WDR26: variants seen among roughly 807,000 people sequenced by gnomAD.
WDR26 encodes the protein WD repeat domain 26, also known as WD repeat-containing protein 26.
In WDR26, 5 loss-of-function variants were observed where a neutral mutation model predicts 84.1. The ratio of observed to expected loss-of-function variants is 0.06; its 90% confidence interval spans 0.03 to 0.13. The LOEUF (loss-of-function observed/expected upper bound fraction) is 0.13, where lower values mean the gene tolerates loss of function less well. WDR26 is among the 10% of genes least tolerant of loss of function. The pLI is 1.00. For missense variants in WDR26, 642 were observed against 974.9 expected, an observed-to-expected ratio of 0.66 and a Z score of 4.55; for synonymous variants, 415 against 389.6, an observed-to-expected ratio of 1.07 and a Z score of -0.77.
intron 13 of WDR26, among the ~76,000 whole-genome samples, chr1:224,393,463 T>C (rs1673178464): frequency 2.0e-5 from 3 of 152,238 alleles, no homozygotes; most frequent in African/African-American, 7.2e-5. Context: ...CTAAAGTTGT[T>C]AATATTTTGT....
chr1:224,408,246 A>C lies in WDR26; in HGVS notation c.1458+3181T>G, dbSNP rs140655703. Among the ~76,000 whole-genome samples, 26 of 152,334 alleles carry C rather than the reference A, an allele frequency of 1.7e-4. No homozygotes were observed. In the East Asian group the frequency reaches 4.8e-3, roughly 28 times the overall value. The stretch of plus-strand genomic sequence containing the variant: ...GGGCCTATCCTAACTAGTTTTGCCT[A>C]AATAGTTCTTTACCTCTTCTTCACC... On this transcript the variant is annotated intron_variant, in intron 7 of 13. Transcript: ENST00000414423.
At chr1:224,409,089 CTAGTA>C (rs954568465) in intron 7 of WDR26, among the ~76,000 whole-genome samples, 6 of 151,980 alleles carry the variant, frequency 3.9e-5, no homozygotes, top group African/African-American at 1.2e-4. Context: ...AGTATACTAG[CTAGTA>C]TACTAAATTA....
Position 224,433,919 on chromosome 1 carries a change from C to G in WDR26, c.487G>C (p.Ala163Pro), listed in dbSNP as rs1458392384. The G allele has an allele frequency of 2.0e-6, 3 of 1,536,258 alleles. No homozygotes were observed. Among genetic ancestry groups the G allele is most frequent in the Non-Finnish European group, 2.6e-6 (3 of 1,146,574 alleles). The change falls in exon 1 of 14, where the codon GCC becomes CCC. Residue 163 changes from alanine to proline, a missense_variant. Ala to Pro is a conservative substitution (Grantham distance 27). Transcript: ENST00000414423. Reference sequence around the variant, plus strand: ...CTATTGTTGCTGGCGGCGGAGGGGGCGGAAGGCAGGAGCCCATTGGCGTGG... The same window carrying G: ...CTATTGTTGCTGGCGGCGGAGGGGGGGGAAGGCAGGAGCCCATTGGCGTGG...
In WDR26 at chr1:224,386,366, C is replaced by T. The variant is rs937758259; in HGVS notation, c.*3469G>A. 3 of 152,568 alleles carry T rather than the reference C, an allele frequency of 2.0e-5. No homozygotes were observed. The highest frequency in any genetic ancestry group is 3.2e-3 in the Middle Eastern group (1 of 316). The allele number at this position is 152,568 out of a possible 1,614,324, so 9.5% of individuals were successfully genotyped here. A position where few individuals can be genotyped will look rare whatever the true frequency, so the allele number is the denominator to read the frequency against. ...TATTAAGAAAAATGTCTTCTTTCCTCCCCATTCAAAAGCAGCCATTCTTCT... is the reference window on the plus strand; with the variant it reads ...TATTAAGAAAAATGTCTTCTTTCCTTCCCATTCAAAAGCAGCCATTCTTCT... On this transcript the variant is annotated 3_prime_UTR_variant, in exon 14 of 14. Transcript: ENST00000414423.
In WDR26 at chr1:224,386,948, C is replaced by T. The variant is rs1233452821; in HGVS notation, c.*2887G>A. On this transcript the variant is annotated 3_prime_UTR_variant, in exon 14 of 14. Coordinates refer to ENST00000414423, the MANE Select transcript of WDR26 (RefSeq NM_001379403.1). Reference sequence around the variant, plus strand: ...AATTCTTTACTACCCACATACTAATCTCAGTAATCCCCAAGTCCAACATTT... The same window carrying T: ...AATTCTTTACTACCCACATACTAATTTCAGTAATCCCCAAGTCCAACATTT... 2.0e-5 allele frequency: 3 copies of T among 152,366 alleles called. No individual in the cohort carries two copies. The highest frequency in any genetic ancestry group is 7.2e-5 in the African/African-American group (3 of 41,440). The allele number at this position is 152,366 out of a possible 1,614,324, so 9.4% of individuals were successfully genotyped here.
intron 7 of WDR26, among the ~76,000 whole-genome samples, chr1:224,410,694 CTTTT>C (rs397983007): frequency 5.9e-5 from 7 of 118,940 alleles, no homozygotes; most frequent in East Asian, 2.3e-4. Flanking sequence ...ATCTTTCTTT[CTTTT>C]TTTTTTTTTT....
intron 7 of WDR26, among the ~76,000 whole-genome samples, chr1:224,407,122 TAAAAAA>T (rs1158264938): frequency 0.014 from 158 of 11,672 alleles, 3 homozygotes; most frequent in Non-Finnish European, 0.019. Flanking sequence ...ACTCTGTCTT[TAAAAAA>T]AAAAAAAAAA....
chr1:224,411,817 C>T (rs1673748833), intron 6 of WDR26, among the ~76,000 whole-genome samples: 1 of 151,964 alleles, frequency 6.6e-6, no homozygotes, highest in Non-Finnish European at 1.5e-5. Flanking sequence ...GAGACTCTCC[C>T]ACCTCAGCTT....
At chr1:224,420,527 T>C (rs569562604) in intron 4 of WDR26, among the ~76,000 whole-genome samples, 1 of 152,302 alleles carries the variant, frequency 6.6e-6, no homozygotes, top group Admixed American at 6.5e-5. Flanking sequence ...TTTAAGTACT[T>C]AGTCTACGAC....
At chr1:224,422,702 G>A in intron 4 of WDR26, among the ~76,000 whole-genome samples, 1 of 124,502 alleles carries the variant, frequency 8.0e-6, no homozygotes, top group Non-Finnish European at 1.7e-5. Context: ...TGACAATAGT[G>A]AAACTCTGTC....
In WDR26 at chr1:224,398,869, T is replaced by C. The variant is rs1160311978; in HGVS notation, c.1865+20A>G. 4 of 1,612,496 alleles carry C rather than the reference T, an allele frequency of 2.5e-6. No individual in the cohort carries two copies. The highest frequency in any genetic ancestry group is 3.4e-6 in the Non-Finnish European group (4 of 1,179,436). On this transcript the variant is annotated intron_variant, in intron 10 of 13. Coordinates refer to ENST00000414423, the MANE Select transcript of WDR26 (RefSeq NM_001379403.1). ...TATAAATCAGGTAATTGTTGTTTAA[T>C]GGAAACAAAAAATAGTTACATGTTC...
chr1:224,408,727 C>T (rs1049266304), intron 7 of WDR26, among the ~76,000 whole-genome samples: 11 of 148,794 alleles, frequency 7.4e-5, no homozygotes, highest in Admixed American at 1.4e-4. Flanking sequence ...CTGTGTGATG[C>T]GCAGTAAGAC....
chr1:224,390,793 A>C (rs1673103044), intron 13 of WDR26, among the ~76,000 whole-genome samples: 1 of 152,010 alleles, frequency 6.6e-6, no homozygotes, highest in African/African-American at 2.4e-5. Flanking sequence ...ACACAAAAAC[A>C]AAAAAAACAA....
Position 224,385,300 on chromosome 1 carries a change from C to T in WDR26, c.*4535G>A, listed in dbSNP as rs1293666614. Reference sequence around the variant, plus strand: ...TTTCAGTTGAACAAAAATTTAAAGACGTTTAATACATTACACATTTATAAA... The same window carrying T: ...TTTCAGTTGAACAAAAATTTAAAGATGTTTAATACATTACACATTTATAAA... On this transcript the variant is annotated 3_prime_UTR_variant, in exon 14 of 14. Transcript: ENST00000414423. The T allele has an allele frequency of 3.9e-5, 6 of 152,032 alleles. No homozygotes were observed. The East Asian group carries it at 7.7e-4, about 19-fold the overall frequency. The allele number at this position is 152,032 out of a possible 1,614,324, so 9.4% of individuals were successfully genotyped here.
Position 224,389,448 on chromosome 1 carries a change from G to C in WDR26, c.*387C>G. 2.2e-6 allele frequency: 1 copy of C among 458,724 alleles called. No homozygotes were observed. The highest frequency in any genetic ancestry group is 4.1e-5 in the Admixed American group (1 of 24,222). The allele number at this position is 458,724 out of a possible 1,614,324, so 28.4% of individuals were successfully genotyped here. ...CTCTTTCTATCAAGCCTTCTAAACT[G>C]TTAAATAAAGTTTTCCAAACAAGCA... On this transcript the variant is annotated 3_prime_UTR_variant, in exon 14 of 14. Coordinates refer to ENST00000414423, the MANE Select transcript of WDR26 (RefSeq NM_001379403.1).
At position 224,431,711 on chromosome 1, in the gene WDR26, T is replaced by A. The variant is rs752873055; in HGVS notation, c.793A>T (p.Asn265Tyr). The A allele has an allele frequency of 6.2e-7, 1 of 1,613,846 alleles. No homozygotes were observed. ...TCCCAGTCTCCTTCCATGACATGATTTCGGAATTTGGTAGCAGAAGGATGT... is the reference window on the plus strand; with the variant it reads ...TCCCAGTCTCCTTCCATGACATGATATCGGAATTTGGTAGCAGAAGGATGT... The change falls in exon 2 of 14, where the codon AAT becomes TAT. Residue 265 changes from asparagine (N) to tyrosine (Y), a missense_variant. Asn to Tyr is a moderately radical substitution (Grantham distance 143). Around this residue, in one of 2 missense-constraint regions of WDR26, gnomAD observed 351 missense variants for 672.8 expected, o/e 0.52. Transcript: ENST00000414423.
chr1:224,411,517 A>G lies in WDR26; in HGVS notation c.1368T>C (p.Asn456=), dbSNP rs1673735457. 1 of 1,613,372 alleles carries G rather than the reference A, an allele frequency of 6.2e-7. No individual in the cohort carries two copies. Among genetic ancestry groups the G allele is most frequent in the African/African-American group, 1.3e-5 (1 of 75,048 alleles). ...TAGAGAATTTACAGAACCACACTTC[A>G]TTACAATGCTCCGTAAGTATCTGCT... Residue 456 remains asparagine, a synonymous_variant, in exon 7 of 14, where the codon AAT becomes AAC. Transcript: ENST00000414423.
chr1:224,407,396 G>A (rs1320019998), intron 7 of WDR26, among the ~76,000 whole-genome samples: 1 of 148,008 alleles, frequency 6.8e-6, no homozygotes, highest in African/African-American at 2.5e-5. Flanking sequence ...AAGGAAAGTA[G>A]GCATTGGAAT....
chr1:224,400,860 T>C, intron 9 of WDR26, 90 bp downstream of exon 9: 4 of 1,533,566 alleles, frequency 2.6e-6, no homozygotes, highest in Non-Finnish European at 3.5e-6. Context: ...GAGTATACTT[T>C]GTAAGATACT....
Sources: gnomAD v4.1 joint callset for allele counts (sites outside exome capture counted in the v4.1 genomes callset) on GRCh38, gnomAD v4.1.1 for gene constraint, gnomAD v4.1.1 regional missense constraint, MANE v1.5 for transcripts, NCBI Gene and HGNC (gene_info 2026-07-23, HGNC 2026-07-21) for gene names.